UNC13C: variants seen among roughly 807,000 people sequenced by gnomAD.
UNC13C encodes the protein protein unc-13 homolog C.
UNC13C carries 174 observed loss-of-function variants against 245.4 expected under a neutral mutation model. The ratio of observed to expected loss-of-function variants is 0.71; its 90% CI spans 0.63 to 0.80. The LOEUF (loss-of-function observed/expected upper bound fraction) is 0.80. Among genes scored for constraint, UNC13C ranks in the 30% least tolerant of loss-of-function variants. The probability of loss-of-function intolerance (pLI) is 0.00; values close to 1 mark genes in which losing one functional copy is unlikely to be tolerated. For synonymous variants in UNC13C, 992 were observed against 895.1 expected (o/e 1.11, Z -1.93); for missense variants, 2,829 against 2,602.9 (o/e 1.09, Z -1.89).
At chr15:53,955,193 C>T in the UNC13C span, among the ~76,000 whole-genome samples, 1 of 151,942 alleles carries the variant, frequency 6.6e-6, no homozygotes, top group African/African-American at 2.4e-5. Context: ...CCTGCATAGC[C>T]ACAGATGCTG....
At chr15:54,336,054 G>T (rs2038566506) in intron 16 of UNC13C, among the ~76,000 whole-genome samples, 2 of 151,646 alleles carry the variant, frequency 1.3e-5, no homozygotes, top group African/African-American at 4.8e-5. Flanking sequence ...AATTTTGGAG[G>T]GGTTGATTTT....
At chr15:54,024,935 T>TAAAA in intron 2 of UNC13C, among the ~76,000 whole-genome samples, 1 of 118,740 alleles carries the variant, frequency 8.4e-6, no homozygotes, top group African/African-American at 2.7e-5. Context: ...AAATAAAAAA[T>TAAAA]AATAAAAAAA....
the UNC13C span, among the ~76,000 whole-genome samples, chr15:53,883,952 G>A: frequency 6.6e-6 from 1 of 152,256 alleles, no homozygotes; most frequent in Non-Finnish European, 1.5e-5. Context: ...AATTCCTACA[G>A]AAAGTCTGAG....
chr15:54,135,900 T>C (rs888335071), intron 2 of UNC13C, among the ~76,000 whole-genome samples: 3 of 152,112 alleles, frequency 2.0e-5, no homozygotes, highest in African/African-American at 7.2e-5. Context: ...CCATGGGAAT[T>C]TTGGTAGAGA....
intron 19 of UNC13C, among the ~76,000 whole-genome samples, chr15:54,493,568 A>G (rs1386204164): frequency 6.6e-6 from 1 of 152,032 alleles, no homozygotes; most frequent in Non-Finnish European, 1.5e-5. Flanking sequence ...TTTGTTTATA[A>G]CAACCTAATT....
rs188726622 is a variant in UNC13C, at chr15:54,409,149, C to G, written c.4848-5833C>G. On this transcript the variant is annotated intron_variant, in intron 18 of 32. Coordinates refer to ENST00000260323, the MANE Select transcript of UNC13C (RefSeq NM_001080534.3). ...CAGTCTGATAAGTAAAAAATTTTTACTCTTATTAAGGTGAACAGCTCCTTT... is the reference window on the plus strand; with the variant it reads ...CAGTCTGATAAGTAAAAAATTTTTAGTCTTATTAAGGTGAACAGCTCCTTT... Among the ~76,000 whole-genome samples the G allele has an allele frequency of 5.3e-5, 8 of 152,140 alleles. No individual in the cohort carries two copies. In the East Asian group the frequency reaches 5.8e-4, roughly 11 times the overall value.
the UNC13C span, chr15:53,912,873 G>A: frequency 6.6e-6 from 1 of 152,272 alleles, no homozygotes; most frequent in South Asian, 2.1e-4. Flanking sequence ...CTTGGCAGAT[G>A]ACAGTGGATT....
At chr15:54,513,914 T>C (rs1894860512) in intron 24 of UNC13C, among the ~76,000 whole-genome samples, 1 of 152,176 alleles carries the variant, frequency 6.6e-6, no homozygotes, top group Non-Finnish European at 1.5e-5. Flanking sequence ...CTGTGTTCCA[T>C]TTTCAGCTCA....
rs867501825 is a variant in UNC13C, at chr15:54,553,052, A to G, written c.5878-2380A>G. ...CAATATATAATATATATTGTATTCT[A>G]TATTACAATATATAATATATATTGT... On this transcript the variant is annotated intron_variant, in intron 28 of 32. Transcript: ENST00000260323. 6.5e-3 allele frequency among the ~76,000 whole-genome samples: 249 copies of G among 38,516 alleles called. 5 individuals carry two copies. The highest frequency in any genetic ancestry group is 0.025 in the African/African-American group (240 of 9,564). 25.3% of individuals were successfully genotyped at this position (38,516 alleles called of 152,430 possible). A position where few individuals can be genotyped will look rare whatever the true frequency, so the allele number is the denominator to read the frequency against.
intron 1 of UNC13C, among the ~76,000 whole-genome samples, chr15:54,000,897 A>G (rs974758439): frequency 6.6e-6 from 1 of 152,230 alleles, no homozygotes; most frequent in Admixed American, 6.5e-5. Context: ...ATGTAATTTT[A>G]GCAAAGGACA....
chr15:54,288,663 G>A lies in UNC13C; in HGVS notation c.3819-5232G>A, dbSNP rs1256534893. 2.6e-5 allele frequency among the ~76,000 whole-genome samples: 4 copies of A among 152,058 alleles called. No individual in the cohort carries two copies. The East Asian group carries it at 5.8e-4, about 22-fold the overall frequency. On this transcript the variant is annotated intron_variant, in intron 10 of 32. Coordinates refer to ENST00000260323, the MANE Select transcript of UNC13C (RefSeq NM_001080534.3). ...AGGGAAGGAGAGGAGTGGTTTGAAA[G>A]GTTGTTGTATGAGTGTACTTATAGC... is the stretch of plus-strand genomic sequence containing the variant.
At chr15:53,869,760 A>G in the UNC13C span, among the ~76,000 whole-genome samples, 1 of 152,316 alleles carries the variant, frequency 6.6e-6, no homozygotes, top group South Asian at 2.1e-4. Context: ...GCATTTATTC[A>G]GTATAGATTA....
intron 10 of UNC13C, among the ~76,000 whole-genome samples, chr15:54,269,224 C>T (rs1298631210): frequency 6.6e-6 from 1 of 152,000 alleles, no homozygotes; most frequent in Non-Finnish European, 1.5e-5. Flanking sequence ...TTTTCTCTCT[C>T]TCAGGGATCA....
upstream of UNC13C, among the ~76,000 whole-genome samples, chr15:53,973,862 T>A (rs1166721949): frequency 6.6e-6 from 1 of 152,172 alleles, no homozygotes; most frequent in African/African-American, 2.4e-5. Context: ...AAAAAGTGTC[T>A]GCTTGAATAA....
chr15:54,623,700 T>C, intron 31 of UNC13C, 95 bp from the exon 32 acceptor site: 1 of 1,117,834 alleles, frequency 8.9e-7, no homozygotes, highest in Non-Finnish European at 1.3e-6. Flanking sequence ...GTTAGGGCAC[T>C]ATTATTAAGT....
At chr15:53,970,300 C>G in the UNC13C span, among the ~76,000 whole-genome samples, 1 of 152,176 alleles carries the variant, frequency 6.6e-6, no homozygotes, top group African/African-American at 2.4e-5. Context: ...AACTCCTTAT[C>G]TCAGGTGATC....
chr15:54,076,074 T>TTG (rs1566994060), intron 2 of UNC13C, among the ~76,000 whole-genome samples: 4 of 149,454 alleles, frequency 2.7e-5, no homozygotes, highest in South Asian at 4.2e-4. Flanking sequence ...TTTTTTTTTT[T>TTG]TTTTCACTTT....
intron 13 of UNC13C, among the ~76,000 whole-genome samples, chr15:54,301,374 G>A (rs1002483218): frequency 2.0e-5 from 3 of 150,926 alleles, no homozygotes; most frequent in African/African-American, 7.3e-5. Flanking sequence ...GCGCCATGGT[G>A]GTTTGCTGCA....
the UNC13C span, among the ~76,000 whole-genome samples, chr15:53,953,881 C>G: frequency 6.6e-6 from 1 of 152,228 alleles, no homozygotes; most frequent in Non-Finnish European, 1.5e-5. Context: ...AGAGCACAGT[C>G]CAGACCTGCT....
Sources: allele counts gnomAD v4.1 joint callset (sites outside exome capture counted in the v4.1 genomes callset), GRCh38; gene constraint gnomAD v4.1.1; transcripts MANE v1.5; gene names NCBI Gene and HGNC (gene_info 2026-07-23, HGNC 2026-07-21).